PEX1: variants seen among roughly 807,000 people sequenced by gnomAD.
PEX1 encodes the protein peroxisomal ATPase PEX1.
A neutral mutation model predicts 152.5 loss-of-function variants in PEX1; 97 were observed. The ratio of observed to expected loss-of-function variants is 0.64; its 90% CI spans 0.54 to 0.75. The LOEUF is 0.75. Among genes scored for constraint, PEX1 ranks in the 30% least tolerant of loss-of-function variants. PEX1 has a pLI of 0.00. For missense variants in PEX1, 1,357 were observed against 1,516.3 expected (o/e 0.89, Z 1.74); for synonymous variants, 485 against 531.6 (o/e 0.91, Z 1.21).
rs886043984 is a variant in PEX1, at chr7:92,499,783, TACA to T, written c.2636_2638del (p.Leu879del). On this transcript the variant is annotated inframe_deletion, in exon 16 of 24. Transcript: ENST00000248633. ...GGTTTTTCCTGTTCCAGGCGGACCA[TACA>T]ACAGTATTCCTGTTCTTTGTCGTAT... 1.2e-6 allele frequency: 2 copies of T among 1,611,726 alleles called. No homozygotes were observed. The highest frequency in any genetic ancestry group is 1.7e-6 in the Non-Finnish European group (2 of 1,178,030).
At chr7:92,506,555 C>T in intron 10 of PEX1, 1 of 571,826 alleles carries the variant, frequency 1.7e-6, no homozygotes, top group South Asian at 2.0e-5. Context: ...AAACAGAAAA[C>T]TGCAAACTAA....
intron 19 of PEX1, chr7:92,493,969 G>A (rs577659104): frequency 2.2e-4 from 61 of 282,932 alleles, no homozygotes; most frequent in African/African-American, 1.4e-3. Context: ...CTGTATCAGA[G>A]TTTTTTTTTT....
chr7:92,510,833 C>T, intron 8 of PEX1, 111 bp downstream of exon 8: 1 of 628,124 alleles, frequency 1.6e-6, no homozygotes, highest in South Asian at 1.9e-5. Flanking sequence ...TTACTCTTAG[C>T]AGGTTTTTAA....
chr7:92,519,191 T>C, intron 2 of PEX1, 113 bp from the exon 3 acceptor site: 2 of 684,400 alleles, frequency 2.9e-6, no homozygotes, highest in East Asian at 2.7e-5. Context: ...TGTGTGTATG[T>C]TTTGGATGGG....
intron 2 of PEX1, among the ~76,000 whole-genome samples, chr7:92,520,978 A>C (rs1793024017): frequency 6.7e-6 from 1 of 149,330 alleles, no homozygotes; most frequent in African/African-American, 2.5e-5. Flanking sequence ...TTATTACTAC[A>C]TCTTCTTCTT....
Position 92,505,195 on chromosome 7 carries a change from T to C in PEX1, c.1901-293A>G, listed in dbSNP as rs149058385. Reference sequence around the variant, plus strand: ...GGAAACCAAGGCAGGCAGATCACTTTGAGGTCAGGAGTTTGAGATCAGCCT... The same window carrying C: ...GGAAACCAAGGCAGGCAGATCACTTCGAGGTCAGGAGTTTGAGATCAGCCT... On this transcript the variant is annotated intron_variant, in intron 11 of 23. Coordinates refer to ENST00000248633, the MANE Select transcript of PEX1 (RefSeq NM_000466.3). Among the ~76,000 whole-genome samples the C allele has an allele frequency of 8.8e-4, 134 of 152,112 alleles. 1 individual carries two copies. Among genetic ancestry groups the C allele is most frequent in the African/African-American group, 3.1e-3 (127 of 41,506 alleles).
intron 20 of PEX1, 75 bp downstream of exon 20, chr7:92,492,878 T>C: frequency 1.7e-6 from 2 of 1,181,188 alleles, no homozygotes; most frequent in Admixed American, 1.7e-5. Flanking sequence ...ATAGCATTTT[T>C]TAAGGTGGAA....
At chr7:92,523,955 T>G (rs1793158299) in intron 1 of PEX1, among the ~76,000 whole-genome samples, 1 of 152,202 alleles carries the variant, frequency 6.6e-6, no homozygotes, top group Non-Finnish European at 1.5e-5. Flanking sequence ...TCTTTATACT[T>G]TGGGAGACTG....
intron 20 of PEX1, chr7:92,491,724 C>T: frequency 2.0e-6 from 1 of 495,868 alleles, no homozygotes. Context: ...CCAACCATCC[C>T]CCAAGAAAGT....
rs1320385819 is a variant in PEX1 at position 92,517,647 on chromosome 7, A to G, written c.868T>C (p.Cys290Arg). Residue 290 changes from cysteine to arginine, a missense_variant, in exon 5 of 24, where the codon TGC becomes CGC. By Grantham distance (180) the Cys-to-Arg change is radical. Coordinates refer to ENST00000248633, the MANE Select transcript of PEX1 (RefSeq NM_000466.3). ...VVPLDNIFRV[C>R]KSQPPSIYNA... Reference sequence around the variant, plus strand: ...TATATACTAGGAGGTTGAGATTTGCATACTCTGAAAATATTGTCTAGAGGA... The same window carrying G: ...TATATACTAGGAGGTTGAGATTTGCGTACTCTGAAAATATTGTCTAGAGGA... 2 of 1,614,048 alleles carry G rather than the reference A, an allele frequency of 1.2e-6. No individual in the cohort carries two copies. The highest frequency in any genetic ancestry group is 2.2e-5 in the East Asian group (1 of 44,874).
intron 1 of PEX1, among the ~76,000 whole-genome samples, chr7:92,525,901 GTAGGATTAT>G (rs1301485649): frequency 1.3e-5 from 2 of 152,208 alleles, no homozygotes; most frequent in Admixed American, 6.5e-5. Context: ...TGTGGAGGAG[GTAGGATTAT>G]TCCTTTTTAA....
At chr7:92,519,114 A>G in intron 2 of PEX1, 36 bp from the exon 3 acceptor site, 1 of 1,226,914 alleles carries the variant, frequency 8.2e-7, no homozygotes. Flanking sequence ...TACTTTAAAA[A>G]AACTTTTCTG....
chr7:92,487,540 A>C lies in PEX1; in HGVS notation c.3769T>G (p.Tyr1257Asp). Residue 1257 changes from tyrosine to aspartate, a missense_variant and splice_region_variant, in exon 24 of 24, where the codon TAT (tyrosine) becomes GAT (aspartate). Physicochemically the swap from Tyr to Asp is radical, Grantham distance 160. Coordinates refer to ENST00000248633, the MANE Select transcript of PEX1 (RefSeq NM_000466.3). ...EDDWKNFAEL[Y>D]ESFQNPKRRK... is the part of the protein sequence containing the mutation. ...CTCTTTGGATTTTGAAAGCTTTCAT[A>C]TCTGAAAAAAGAAAGAGATAATTTA... is the stretch of plus-strand genomic sequence containing the variant. 1 of 1,502,326 alleles carries C rather than the reference A, an allele frequency of 6.7e-7. No homozygotes were observed. The highest frequency in any genetic ancestry group is 2.3e-5 in the East Asian group (1 of 44,074). 93.1% of individuals were successfully genotyped at this position (1,502,326 alleles called of 1,614,324 possible).
At chr7:92,506,946 A>G (rs779929161) in intron 10 of PEX1, 48 bp downstream of exon 10, 2 of 1,600,048 alleles carry the variant, frequency 1.2e-6, no homozygotes, top group Non-Finnish European at 8.6e-7. Context: ...AAGATAAATG[A>G]AAAGTTATTA....
chr7:92,489,337 T>C lies in PEX1; in HGVS notation c.3723A>G (p.Thr1241=), dbSNP rs1048574377. The C allele has an allele frequency of 3.1e-6, 5 of 1,613,278 alleles. No individual in the cohort carries two copies. Among genetic ancestry groups the C allele is most frequent in the Non-Finnish European group, 4.2e-6 (5 of 1,179,330 alleles). The change falls in exon 23 of 24, where the codon ACA becomes ACG. Residue 1241 remains threonine, a synonymous_variant. Transcript: ENST00000248633. ...AGTCATCTTCACTAATGGATGGTCT[T>C]GTGTGACCAAGTGCAGTCATTAAAT... ...QSHLMTALGH[T]RPSISEDDWK... is the part of the protein sequence containing the mutation.
intron 20 of PEX1, among the ~76,000 whole-genome samples, chr7:92,492,701 T>A (rs1457785907): frequency 1.3e-5 from 2 of 152,216 alleles, no homozygotes; most frequent in Non-Finnish European, 2.9e-5. Context: ...TTAAATAATA[T>A]CCTTGCAAAC....
chr7:92,513,651 T>G (rs554993220), intron 6 of PEX1, among the ~76,000 whole-genome samples, 197 bp downstream of exon 6: 1 of 152,288 alleles, frequency 6.6e-6, no homozygotes, highest in African/African-American at 2.4e-5. Context: ...TACAATATTA[T>G]GAATGTAATT....
At chr7:92,526,303 A>G (rs1325634485) in intron 1 of PEX1, among the ~76,000 whole-genome samples, 1 of 152,220 alleles carries the variant, frequency 6.6e-6, no homozygotes, top group African/African-American at 2.4e-5. Context: ...CTGAGGGTTG[A>G]TCAGAACATC....
chr7:92,511,584 T>C lies in PEX1; in HGVS notation c.1479A>G (p.Lys493=), dbSNP rs1172195141. The change falls in exon 7 of 24, where the codon AAA becomes AAG. Residue 493 remains lysine, a synonymous_variant. Coordinates refer to ENST00000248633, the MANE Select transcript of PEX1 (RefSeq NM_000466.3). The stretch of plus-strand genomic sequence containing the variant: ...CAAAATAACAAATGTACTCACCATC[T>C]TTAGTTTCCAGCTTAATAAATTCTT... ...SEEEFIKLET[K]DGLKEFSLSI... 1 of 1,610,342 alleles carries C rather than the reference T, an allele frequency of 6.2e-7. No homozygotes were observed. The highest frequency in any genetic ancestry group is 8.5e-7 in the Non-Finnish European group (1 of 1,177,480).
Sources: gnomAD v4.1 joint callset for allele counts (sites outside exome capture counted in the v4.1 genomes callset) on GRCh38, gnomAD v4.1.1 for gene constraint, MANE v1.5 for transcripts, NCBI Gene and HGNC (gene_info 2026-07-23, HGNC 2026-07-21) for gene names.